Variants in GALNT10 observed in about 807,000 individuals in gnomAD.
The protein encoded by GALNT10 is GalNAc transferase 10.
GALNT10 carries 41 observed loss-of-function variants against 75.0 expected under a neutral mutation model. The ratio of observed to expected loss-of-function variants is 0.55; its 90% CI spans 0.43 to 0.71. GALNT10 has a LOEUF of 0.71. Ranked by LOEUF, GALNT10 falls within the 30% of genes least tolerant of loss-of-function variation. The pLI, the probability that GALNT10 is intolerant of heterozygous loss-of-function variation, is 0.00. For synonymous variants in GALNT10, 302 were observed against 313.0 expected, an observed-to-expected ratio of 0.96 and a Z score of 0.37; for missense variants, 727 against 818.5, an observed-to-expected ratio of 0.89 and a Z score of 1.36.
At chr5:154,219,838 T>TCACACACA (rs553301418) in intron 1 of GALNT10, among the ~76,000 whole-genome samples, 16 of 125,666 alleles carry the variant, frequency 1.3e-4, no homozygotes, top group African/African-American at 4.3e-4. Flanking sequence ...TCTCTCTCTC[T>TCACACACA]CACACACACA....
intron 4 of GALNT10, chr5:154,337,964 G>T (rs1442959086): frequency 1.0e-5 from 16 of 1,576,046 alleles, no homozygotes; most frequent in African/African-American, 1.3e-5. Flanking sequence ...CGGAGTCATG[G>T]TCGTCAAAGG....
chr5:154,291,488 A>C (rs767674020), intron 1 of GALNT10, among the ~76,000 whole-genome samples: 9 of 152,240 alleles, frequency 5.9e-5, no homozygotes, highest in Admixed American at 6.5e-5. Context: ...AAATTTGAGA[A>C]GCACTAGTCC....
chr5:154,260,272 A>G (rs1302452590), intron 1 of GALNT10, among the ~76,000 whole-genome samples: 3 of 152,078 alleles, frequency 2.0e-5, no homozygotes, highest in African/African-American at 2.4e-5. Context: ...TCTCTTTCCC[A>G]TATTTGAAAG....
At chr5:154,288,422 G>GTGTGTC (rs1162651976) in intron 1 of GALNT10, among the ~76,000 whole-genome samples, 1 of 72,494 alleles carries the variant, frequency 1.4e-5, no homozygotes, top group Admixed American at 2.7e-4. Context: ...GTGTGTGTGT[G>GTGTGTC]TGTGTGTGTG....
intron 1 of GALNT10, among the ~76,000 whole-genome samples, chr5:154,271,028 C>T (rs1753853344): frequency 2.0e-5 from 3 of 149,472 alleles, no homozygotes; most frequent in Admixed American, 2.0e-4. Context: ...ACCAAGTGGC[C>T]AGTCTAAATT....
chr5:154,350,189 T>TA (rs370359115), intron 4 of GALNT10, among the ~76,000 whole-genome samples: 226 of 146,524 alleles, frequency 1.5e-3, no homozygotes, highest in South Asian at 0.011. Context: ...TGCTTTCCTT[T>TA]AAAAAAAAAA....
intron 3 of GALNT10, among the ~76,000 whole-genome samples, chr5:154,310,448 TTTTTGTTTG>T (rs1754498527): frequency 1.0e-5 from 1 of 97,718 alleles, no homozygotes; most frequent in African/African-American, 3.5e-5. Context: ...TTTGTTTTTT[TTTTTGTTTG>T]TTTGTTTGTT....
chr5:154,311,221 T>A (rs1038173754), intron 3 of GALNT10, among the ~76,000 whole-genome samples: 2 of 152,218 alleles, frequency 1.3e-5, no homozygotes, highest in Non-Finnish European at 2.9e-5. Flanking sequence ...ACATGTACCA[T>A]TTGTCGAGTG....
At chr5:154,389,085 T>C (rs942171877) in intron 7 of GALNT10, 1 of 152,000 alleles carries the variant, frequency 6.6e-6, no homozygotes, top group Non-Finnish European at 1.5e-5. Flanking sequence ...GCTTCCAAGC[T>C]TATCAGCAAA....
At chr5:154,324,537 A>G (rs1219281990) in intron 3 of GALNT10, among the ~76,000 whole-genome samples, 1 of 152,214 alleles carries the variant, frequency 6.6e-6, no homozygotes, top group Non-Finnish European at 1.5e-5. Context: ...AGAAGCCGTC[A>G]AAAAACAATT....
chr5:154,302,712 A>G (rs1031387733), intron 3 of GALNT10, among the ~76,000 whole-genome samples: 3 of 152,194 alleles, frequency 2.0e-5, no homozygotes, highest in African/African-American at 7.2e-5. Flanking sequence ...TGTTGCAACA[A>G]AAGGCCCAAG....
rs1581989914 is a variant in GALNT10 at position 154,356,284 on chromosome 5, G to C, written c.569-19993G>C. ...TGCTTTTGTGTCTTCCCATCTGCAT[G>C]TGAGAGGAAATACATAGGGAACTCT... On this transcript the variant is annotated intron_variant, in intron 4 of 11. Transcript: ENST00000297107. The C allele has an allele frequency of 2.2e-5, 10 of 445,300 alleles. No homozygotes were observed. In the East Asian group the frequency reaches 7.0e-4, roughly 31 times the overall value. 27.6% of individuals were successfully genotyped at this position (445,300 alleles called of 1,614,324 possible). A position where few individuals can be genotyped will look rare whatever the true frequency, so the allele number is the denominator to read the frequency against.
At chr5:154,333,946 G>T (rs77428983) in intron 4 of GALNT10, among the ~76,000 whole-genome samples, 1 of 152,322 alleles carries the variant, frequency 6.6e-6, no homozygotes, top group East Asian at 1.9e-4. Context: ...AGCAGTGATT[G>T]TTTTAAAAAC....
intron 4 of GALNT10, among the ~76,000 whole-genome samples, chr5:154,332,288 GT>G (rs1754879312): frequency 1.3e-5 from 2 of 152,200 alleles, no homozygotes; most frequent in South Asian, 4.1e-4. Flanking sequence ...CAGGCTCCTT[GT>G]TGTACTCCTT....
At chr5:154,213,951 A>G (rs752973071) in intron 1 of GALNT10, among the ~76,000 whole-genome samples, 3 of 152,214 alleles carry the variant, frequency 2.0e-5, no homozygotes, top group African/African-American at 4.8e-5. Flanking sequence ...CAAGAAGGAC[A>G]TAGCAACTTC....
chr5:154,358,357 C>A (rs1021756262), intron 4 of GALNT10, among the ~76,000 whole-genome samples: 1 of 152,176 alleles, frequency 6.6e-6, no homozygotes, highest in Non-Finnish European at 1.5e-5. Context: ...ACAATCACCA[C>A]CAACAAGTGT....
At chr5:154,395,158 C>A (rs1300783965) in intron 7 of GALNT10, among the ~76,000 whole-genome samples, 2 of 152,220 alleles carry the variant, frequency 1.3e-5, no homozygotes, top group African/African-American at 4.8e-5. Flanking sequence ...AAAATAACTT[C>A]TTCAAAAGTT....
At chr5:154,385,575 C>T (rs1755796656) in intron 6 of GALNT10, among the ~76,000 whole-genome samples, 1 of 152,170 alleles carries the variant, frequency 6.6e-6, no homozygotes, top group Non-Finnish European at 1.5e-5. Context: ...CCCGGAGTCC[C>T]TTATGCACCC....
intron 7 of GALNT10, among the ~76,000 whole-genome samples, chr5:154,396,107 G>C (rs1281931317): frequency 6.6e-6 from 1 of 152,082 alleles, no homozygotes; most frequent in African/African-American, 2.4e-5. Flanking sequence ...GGCTTTCAAG[G>C]CTCTGTATCT....
Sources: gnomAD v4.1 joint callset for allele counts (sites outside exome capture counted in the v4.1 genomes callset) on GRCh38, gnomAD v4.1.1 for gene constraint, MANE v1.5 for transcripts, NCBI Gene and HGNC (gene_info 2026-07-23, HGNC 2026-07-21) for gene names.